RIMS2: variants seen among roughly 807,000 people sequenced by gnomAD.
The protein encoded by RIMS2 is regulating synaptic membrane exocytosis 2.
In RIMS2, 59 loss-of-function variants were observed where a neutral mutation model predicts 174.4. The ratio of observed to expected loss-of-function variants is 0.34; its 90% CI spans 0.27 to 0.42. The LOEUF is 0.42. Among genes scored for constraint, RIMS2 ranks in the 10% least tolerant of loss-of-function variants. The pLI, the probability that RIMS2 is intolerant of heterozygous loss-of-function variation, is 1.00. For synonymous variants in RIMS2, 606 were observed against 572.5 expected (o/e 1.06, Z -0.84); for missense variants, 1,620 against 1,666.3 (o/e 0.97, Z 0.48).
intron 17 of RIMS2, among the ~76,000 whole-genome samples, chr8:104,007,547 A>G: frequency 6.6e-6 from 1 of 152,048 alleles, no homozygotes; most frequent in East Asian, 1.9e-4. Context: ...GTCTGCTGAA[A>G]TTTCCCCATC....
At chr8:104,042,120 T>C (rs2096619639) in intron 19 of RIMS2, among the ~76,000 whole-genome samples, 7 of 151,410 alleles carry the variant, frequency 4.6e-5, no homozygotes, top group Admixed American at 4.6e-4. Flanking sequence ...TACACACATA[T>C]ATAAAATATA....
chr8:103,572,757 T>C (rs1338144222), intron 1 of RIMS2, among the ~76,000 whole-genome samples: 1 of 152,112 alleles, frequency 6.6e-6, no homozygotes, highest in African/African-American at 2.4e-5. Context: ...GGGTCATTTA[T>C]TTTTTATTTG....
intron 3 of RIMS2, among the ~76,000 whole-genome samples, chr8:103,792,637 GTTTTTTTTTTTT>G (rs57893772): frequency 2.2e-5 from 3 of 137,568 alleles, no homozygotes; most frequent in East Asian, 2.2e-4. Flanking sequence ...CCAGGAGCTG[GTTTTTTTTTTTT>G]TTTTTTAAAG....
chr8:103,834,097 C>A (rs2098842556), intron 3 of RIMS2, among the ~76,000 whole-genome samples: 1 of 152,012 alleles, frequency 6.6e-6, no homozygotes. Flanking sequence ...GCAGCCTCAA[C>A]CCTCTGGGCT....
At chr8:103,631,865 T>C (rs1033501126) in intron 1 of RIMS2, among the ~76,000 whole-genome samples, 4 of 152,342 alleles carry the variant, frequency 2.6e-5, no homozygotes, top group African/African-American at 9.6e-5. Flanking sequence ...GCTGTATTCT[T>C]AGGTATTTTA....
At chr8:103,934,694 C>T (rs549517400) in intron 12 of RIMS2, among the ~76,000 whole-genome samples, 1 of 148,442 alleles carries the variant, frequency 6.7e-6, no homozygotes, top group Non-Finnish European at 1.5e-5. Flanking sequence ...TTGATATAAA[C>T]CATTCTTTTT....
intron 3 of RIMS2, among the ~76,000 whole-genome samples, chr8:103,784,360 T>C (rs1393086929): frequency 6.6e-6 from 1 of 150,504 alleles, no homozygotes; most frequent in Non-Finnish European, 1.5e-5. Flanking sequence ...ATGTCCTGAA[T>C]GGTAATGCCT....
chr8:103,953,153 A>G (rs2085957987), intron 14 of RIMS2, among the ~76,000 whole-genome samples: 1 of 152,250 alleles, frequency 6.6e-6, no homozygotes, highest in Non-Finnish European at 1.5e-5. Flanking sequence ...TGACGGGAGA[A>G]CAGAACCAAG....
chr8:103,660,036 A>T (rs1306953045), intron 1 of RIMS2, among the ~76,000 whole-genome samples: 1 of 152,184 alleles, frequency 6.6e-6, no homozygotes, highest in Non-Finnish European at 1.5e-5. Flanking sequence ...TGGAGAGAAG[A>T]TCCTGTCCTT....
intron 4 of RIMS2, among the ~76,000 whole-genome samples, chr8:103,902,370 TC>T (rs2073334175): frequency 6.6e-6 from 1 of 152,058 alleles, no homozygotes; most frequent in Admixed American, 6.6e-5. Flanking sequence ...CACCTTGCCA[TC>T]CCCCTACCTT....
intron 17 of RIMS2, among the ~76,000 whole-genome samples, chr8:104,008,840 G>A (rs1565821496): frequency 6.6e-6 from 1 of 151,912 alleles, no homozygotes; most frequent in Non-Finnish European, 1.5e-5. Flanking sequence ...CTAACATAGA[G>A]TCTTTACATC....
intron 16 of RIMS2, among the ~76,000 whole-genome samples, chr8:103,980,201 CAA>C (rs2093780381): frequency 6.6e-6 from 1 of 152,104 alleles, no homozygotes; most frequent in African/African-American, 2.4e-5. Context: ...GGGAGGAGAG[CAA>C]AGAGTAAAGA....
intron 1 of RIMS2, among the ~76,000 whole-genome samples, chr8:103,546,366 A>C (rs541940948): frequency 6.6e-6 from 1 of 152,326 alleles, no homozygotes; most frequent in East Asian, 1.9e-4. Flanking sequence ...AAACAGGAGC[A>C]CCCAGACTCA....
intron 14 of RIMS2, among the ~76,000 whole-genome samples, chr8:103,959,616 G>A (rs1416095761): frequency 6.6e-6 from 1 of 151,706 alleles, no homozygotes; most frequent in Non-Finnish European, 1.5e-5. Context: ...TAGAGATGGG[G>A]TTTTACTATG....
chr8:104,079,730 A>G (rs935989411), intron 19 of RIMS2, among the ~76,000 whole-genome samples: 1 of 149,628 alleles, frequency 6.7e-6, no homozygotes, highest in African/African-American at 2.4e-5. Context: ...AAATACATAT[A>G]TTCTGTTTTA....
chr8:103,737,310 A>C (rs2139174829), intron 2 of RIMS2, among the ~76,000 whole-genome samples: 1 of 149,346 alleles, frequency 6.7e-6, no homozygotes, highest in South Asian at 2.1e-4. Context: ...AAGCCTCCTG[A>C]GTAGCTGGGA....
Position 103,627,561 on chromosome 8 carries a change from C to T in RIMS2, c.177-69525C>T, listed in dbSNP as rs1008803744. 2.6e-5 allele frequency among the ~76,000 whole-genome samples: 4 copies of T among 152,150 alleles called. No individual in the cohort carries two copies. The South Asian group carries it at 6.2e-4, about 24-fold the overall frequency. ...GTTCAGAGACTGCAGTAAAGACAGG[C>T]ATAAGAAATTATAAAAGTATTAATT... is the stretch of plus-strand genomic sequence containing the variant. On this transcript the variant is annotated intron_variant, in intron 1 of 23. Transcript: ENST00000504942.
chr8:104,011,942 A>G (rs1442383583), intron 17 of RIMS2, among the ~76,000 whole-genome samples: 3 of 152,034 alleles, frequency 2.0e-5, no homozygotes, highest in Non-Finnish European at 4.4e-5. Flanking sequence ...GAACACACTT[A>G]TTTGTAAAGA....
Position 103,877,094 on chromosome 8 carries a change from A to G in RIMS2, c.699-8204A>G, listed in dbSNP as rs897034809. On this transcript the variant is annotated intron_variant, in intron 3 of 23. Transcript: ENST00000504942. Reference sequence around the variant, plus strand: ...ATACCCAGTTGTGAGATCAAATGGTAGTTCTACTTTTAGTTCTTTAAGGAA... The same window carrying G: ...ATACCCAGTTGTGAGATCAAATGGTGGTTCTACTTTTAGTTCTTTAAGGAA... 4.0e-5 allele frequency among the ~76,000 whole-genome samples: 6 copies of G among 151,358 alleles called. No individual in the cohort carries two copies. In the South Asian group the frequency reaches 1.0e-3, roughly 26 times the overall value.
Sources: allele counts gnomAD v4.1 joint callset (sites outside exome capture counted in the v4.1 genomes callset), GRCh38; gene constraint gnomAD v4.1.1; transcripts MANE v1.5; gene names NCBI Gene and HGNC (gene_info 2026-07-23, HGNC 2026-07-21).